PEAK1: variants seen among roughly 807,000 people sequenced by gnomAD.
PEAK1 encodes inactive tyrosine-protein kinase PEAK1.
A neutral mutation model predicts 124.7 loss-of-function variants in PEAK1; 54 were observed. The ratio of observed to expected loss-of-function variants is 0.43; its 90% CI spans 0.35 to 0.54. The LOEUF is 0.54. Ranked by LOEUF, PEAK1 falls within the 20% of genes least tolerant of loss-of-function variation. The pLI is 0.01. For missense variants in PEAK1, 2,046 were observed against 2,134.5 expected, an observed-to-expected ratio of 0.96 and a Z score of 0.82; for synonymous variants, 719 against 760.0, an observed-to-expected ratio of 0.95 and a Z score of 0.89.
intron 2 of PEAK1, among the ~76,000 whole-genome samples, chr15:77,361,996 C>T (rs1216547676): frequency 6.6e-6 from 1 of 151,880 alleles, no homozygotes; most frequent in African/African-American, 2.4e-5. Flanking sequence ...GTTAAATAAA[C>T]ACTGCATGTT....
At chr15:77,185,308 C>T (rs189465853) in intron 6 of PEAK1, among the ~76,000 whole-genome samples, 21 of 151,740 alleles carry the variant, frequency 1.4e-4, no homozygotes, top group African/African-American at 4.9e-4. Context: ...CTGTGGTTCT[C>T]CTCTGCTTAG....
chr15:77,351,691 G>T (rs1368970085), intron 2 of PEAK1: 2 of 966,050 alleles, frequency 2.1e-6, no homozygotes, highest in East Asian at 2.3e-4. Context: ...CCAATTCTTT[G>T]TTCAAGGTGC....
intron 1 of PEAK1, among the ~76,000 whole-genome samples, chr15:77,369,209 C>T (rs1366485822): frequency 1.3e-5 from 2 of 152,114 alleles, no homozygotes; most frequent in African/African-American, 2.4e-5. Context: ...ATGTGAATCA[C>T]GGTACAGATA....
intron 6 of PEAK1, among the ~76,000 whole-genome samples, chr15:77,240,139 C>G (rs2060290855): frequency 6.6e-6 from 1 of 152,158 alleles, no homozygotes; most frequent in African/African-American, 2.4e-5. Flanking sequence ...CATTTGCTGA[C>G]AAGTAAATGC....
At chr15:77,140,148 G>T (rs769432956) in intron 8 of PEAK1, among the ~76,000 whole-genome samples, 18 of 152,116 alleles carry the variant, frequency 1.2e-4, no homozygotes, top group Non-Finnish European at 1.5e-4. Flanking sequence ...CTTCACTGAT[G>T]AATTCTACCA....
intron 5 of PEAK1, among the ~76,000 whole-genome samples, chr15:77,254,191 G>A (rs1379477876): frequency 6.6e-6 from 1 of 151,972 alleles, no homozygotes; most frequent in Non-Finnish European, 1.5e-5. Context: ...TCTACTTGGA[G>A]TTTACTGACC....
chr15:77,385,267 A>G (rs2141857650), intron 1 of PEAK1, among the ~76,000 whole-genome samples: 1 of 152,314 alleles, frequency 6.6e-6, no homozygotes, highest in South Asian at 2.1e-4. Context: ...TTCAAGTAAA[A>G]ATAAAAAACA....
At chr15:77,200,341 G>A (rs1323843407) in intron 6 of PEAK1, among the ~76,000 whole-genome samples, 4 of 151,978 alleles carry the variant, frequency 2.6e-5, no homozygotes, top group Non-Finnish European at 4.4e-5. Context: ...TATTGATAAG[G>A]CTTATGGTCA....
chr15:77,418,085 T>TA, intron 1 of PEAK1: 1 of 984,482 alleles, frequency 1.0e-6, no homozygotes, highest in Non-Finnish European at 1.2e-6. Flanking sequence ...GGTAGACTCT[T>TA]AAAAATGAAT....
At chr15:77,377,273 G>A (rs139393386) in intron 1 of PEAK1, among the ~76,000 whole-genome samples, 202 of 152,168 alleles carry the variant, frequency 1.3e-3, no homozygotes, top group Non-Finnish European at 1.3e-3. Flanking sequence ...GGTCCCAGCT[G>A]CTCAGGAGGC....
At chr15:77,198,349 AC>A (rs1245012758) in intron 6 of PEAK1, among the ~76,000 whole-genome samples, 4 of 152,180 alleles carry the variant, frequency 2.6e-5, no homozygotes, top group Non-Finnish European at 5.9e-5. Context: ...AATGCTGTAA[AC>A]CTTAAATAAC....
At chr15:77,119,029 G>T (rs534644177) in intron 9 of PEAK1, among the ~76,000 whole-genome samples, 3 of 152,224 alleles carry the variant, frequency 2.0e-5, no homozygotes, top group Admixed American at 6.5e-5. Context: ...AAACTGTGCA[G>T]CAGGAGAACA....
intron 1 of PEAK1, among the ~76,000 whole-genome samples, chr15:77,410,963 G>A (rs1595880396): frequency 6.6e-6 from 1 of 152,082 alleles, no homozygotes; most frequent in Admixed American, 6.5e-5. Context: ...CCTCTTATCA[G>A]CTGGCAATGA....
At chr15:77,288,644 T>C (rs79783870) in intron 2 of PEAK1, among the ~76,000 whole-genome samples, 1,640 of 152,210 alleles carry the variant, frequency 0.011, 41 homozygotes, top group African/African-American at 0.038. Flanking sequence ...AGAGAAGAAA[T>C]AAAAGTATTT....
chr15:77,196,294 A>C (rs1202505088), intron 6 of PEAK1, among the ~76,000 whole-genome samples: 1 of 152,216 alleles, frequency 6.6e-6, no homozygotes, highest in African/African-American at 2.4e-5. Flanking sequence ...AAATGTTGTT[A>C]GCATTGGAGA....
intron 7 of PEAK1, among the ~76,000 whole-genome samples, chr15:77,166,149 A>G (rs1212949006): frequency 6.7e-6 from 1 of 148,494 alleles, no homozygotes; most frequent in African/African-American, 2.6e-5. Flanking sequence ...TTACATTTCC[A>G]AAAAAATTTT....
chr15:77,311,222 A>G (rs1242407975), intron 2 of PEAK1, among the ~76,000 whole-genome samples: 1 of 152,226 alleles, frequency 6.6e-6, no homozygotes, highest in African/African-American at 2.4e-5. Context: ...TTATTATGCA[A>G]TAACAGAGGC....
At chr15:77,191,550 G>A (rs923068276) in intron 6 of PEAK1, among the ~76,000 whole-genome samples, 6 of 152,144 alleles carry the variant, frequency 3.9e-5, no homozygotes, top group Non-Finnish European at 7.4e-5. Flanking sequence ...AAGACTTATT[G>A]CTTCTACAGG....
At chr15:77,370,961 C>T (rs1597475278) in intron 1 of PEAK1, 5 of 552,846 alleles carry the variant, frequency 9.0e-6, no homozygotes, top group Admixed American at 1.3e-4. Flanking sequence ...ACCCAGGAGG[C>T]GGAGGTTGCA....
Sources: allele counts gnomAD v4.1 joint callset (sites outside exome capture counted in the v4.1 genomes callset), GRCh38; gene constraint gnomAD v4.1.1; transcripts MANE v1.5; gene names NCBI Gene and HGNC (gene_info 2026-07-23, HGNC 2026-07-21).